ZFHX3: variants seen among roughly 807,000 people sequenced by gnomAD.
The protein encoded by ZFHX3 is zinc finger homeobox 3.
ZFHX3 carries 42 observed loss-of-function variants against 279.1 expected under a neutral mutation model. That is an observed-to-expected ratio of 0.15 (90% CI 0.12 to 0.19). The LOEUF (loss-of-function observed/expected upper bound fraction) is 0.19, where lower values mean the gene tolerates loss of function less well. ZFHX3 is among the 10% of genes least tolerant of loss of function. The probability of loss-of-function intolerance (pLI) is 1.00; values close to 1 mark genes in which losing one functional copy is unlikely to be tolerated. For missense variants in ZFHX3, 4,981 were observed against 4,754.0 expected, an observed-to-expected ratio of 1.05 and a Z score of -1.40; for synonymous variants, 2,293 against 1,957.8, an observed-to-expected ratio of 1.17 and a Z score of -4.52.
chr16:73,661,951 C>T (rs935950130), intron 2 of ZFHX3, among the ~76,000 whole-genome samples: 8 of 149,824 alleles, frequency 5.3e-5, no homozygotes, highest in African/African-American at 1.2e-4. Flanking sequence ...GCACCTATAA[C>T]GTAGGTCATT....
Position 73,677,664 on chromosome 16 carries a change from A to T in ZFHX3, c.-1547+2516T>A, listed in dbSNP as rs542829357. 3.3e-5 allele frequency among the ~76,000 whole-genome samples: 5 copies of T among 152,132 alleles called. No individual in the cohort carries two copies. The South Asian group carries it at 1.0e-3, about 31-fold the overall frequency. ...GCATCTATAAAAATAAATTTAAATGAACTGATATTTCAACAGGAAAATATA... is the reference window on the plus strand; with the variant it reads ...GCATCTATAAAAATAAATTTAAATGTACTGATATTTCAACAGGAAAATATA... On this transcript the variant is annotated intron_variant, in intron 2 of 17. Coordinates refer to the ZFHX3 transcript ENST00000641206.
chr16:73,502,070 G>C (rs1171450141), intron 2 of ZFHX3, among the ~76,000 whole-genome samples: 1 of 151,976 alleles, frequency 6.6e-6, no homozygotes, highest in Non-Finnish European at 1.5e-5. Context: ...CCACTGGAAA[G>C]TGGTTAAAGG....
intron 2 of ZFHX3, among the ~76,000 whole-genome samples, chr16:73,539,736 C>T (rs575913141): frequency 7.3e-5 from 11 of 150,416 alleles, no homozygotes; most frequent in African/African-American, 2.2e-4. Context: ...AGGTCCGGGC[C>T]ATCGGTGTGT....
chr16:73,745,475 A>G (rs947404126), intron 1 of ZFHX3, among the ~76,000 whole-genome samples: 2 of 152,224 alleles, frequency 1.3e-5, no homozygotes, highest in East Asian at 3.8e-4. Context: ...ACTAAAGTAT[A>G]TATGCACAGA....
chr16:73,182,289 T>A (rs1454599727), intron 5 of ZFHX3, among the ~76,000 whole-genome samples: 1 of 152,176 alleles, frequency 6.6e-6, no homozygotes, highest in Non-Finnish European at 1.5e-5. Context: ...AAACCCCATC[T>A]CTACTAAAAA....
At chr16:73,105,160 C>T (rs149496674) in intron 7 of ZFHX3, among the ~76,000 whole-genome samples, 2,938 of 151,844 alleles carry the variant, frequency 0.019, 85 homozygotes, top group African/African-American at 0.057. Context: ...AATCCCAGCA[C>T]TTTGGGAGGC....
intron 3 of ZFHX3, among the ~76,000 whole-genome samples, chr16:73,359,815 G>C (rs1342029124): frequency 6.6e-6 from 1 of 152,210 alleles, no homozygotes; most frequent in African/African-American, 2.4e-5. Context: ...GCCCTGAGTT[G>C]TGGGAGAAGC....
chr16:73,829,249 G>A, intron 1 of ZFHX3, among the ~76,000 whole-genome samples: 1 of 103,116 alleles, frequency 9.7e-6, no homozygotes, highest in African/African-American at 7.2e-5. Flanking sequence ...TTGGTTTTCA[G>A]CTCCATCAGC....
At chr16:73,542,140 G>T (rs923295424) in intron 2 of ZFHX3, among the ~76,000 whole-genome samples, 2 of 152,038 alleles carry the variant, frequency 1.3e-5, no homozygotes, top group Non-Finnish European at 2.9e-5. Flanking sequence ...TGACAACACA[G>T]CTCCCTTAGT....
At chr16:73,508,566 T>G (rs986672347) in intron 2 of ZFHX3, among the ~76,000 whole-genome samples, 1 of 152,204 alleles carries the variant, frequency 6.6e-6, no homozygotes, top group African/African-American at 2.4e-5. Context: ...ATCTTTTGTG[T>G]GATCACATGG....
At chr16:73,751,067 A>C (rs2053757939) in intron 1 of ZFHX3, among the ~76,000 whole-genome samples, 1 of 152,180 alleles carries the variant, frequency 6.6e-6, no homozygotes, top group African/African-American at 2.4e-5. Context: ...ATTTAATTGA[A>C]GTGTGGTGAC....
At chr16:73,244,363 T>C (rs1184889876) in intron 5 of ZFHX3, among the ~76,000 whole-genome samples, 1 of 152,058 alleles carries the variant, frequency 6.6e-6, no homozygotes, top group Non-Finnish European at 1.5e-5. Flanking sequence ...CTCTCCTCCA[T>C]CCTCCAAGCC....
At chr16:73,320,816 T>G (rs1597282870) in intron 3 of ZFHX3, among the ~76,000 whole-genome samples, 1 of 152,164 alleles carries the variant, frequency 6.6e-6, no homozygotes, top group African/African-American at 2.4e-5. Context: ...TGTGCTTTAT[T>G]TGAAAATCTC....
rs1323738799 is a variant in ZFHX3 at position 73,493,529 on chromosome 16, T to TGAGATTGGGTCAGAAATTGACTC, written c.-1546-37272_-1546-37271insGAGTCAATTTCTGACCCAATCTC. Among the ~76,000 whole-genome samples the TGAGATTGGGTCAGAAATTGACTC allele has an allele frequency of 2.0e-5, 3 of 152,236 alleles. No homozygotes were observed. In the East Asian group the frequency reaches 5.8e-4, roughly 29 times the overall value. On this transcript the variant is annotated intron_variant, in intron 2 of 17. Transcript: ENST00000641206. ...GAGATGAAGTAAACTCAGTAATAGC[T>TGAGATTGGGTCAGAAATTGACTC]AGATTGGGTCAGAAATGAACAGCTG...
At chr16:73,205,070 G>T (rs766271808) in intron 5 of ZFHX3, among the ~76,000 whole-genome samples, 1 of 152,140 alleles carries the variant, frequency 6.6e-6, no homozygotes, top group South Asian at 2.1e-4. Flanking sequence ...GTGGAATAAC[G>T]AGTGTGGGCT....
Position 72,959,293 on chromosome 16 carries a change from A to G in ZFHX3, c.853T>C (p.Phe285Leu). 1.2e-6 allele frequency: 2 copies of G among 1,614,248 alleles called. No homozygotes were observed. The highest frequency in any genetic ancestry group is 2.2e-5 in the South Asian group (2 of 91,084). Residue 285 changes from phenylalanine to leucine, a missense_variant, in exon 2 of 10, where the codon TTC becomes CTC. Around this residue, in one of 7 missense-constraint regions of ZFHX3, gnomAD observed 1,068 missense variants for 935.2 expected, o/e 1.14. Transcript: ENST00000268489. The part of the protein sequence containing the change: ...YGKRKPILMC[F>L]LCKLSFGYVR... ...TACCCAAAGGAGAGTTTGCACAAGA[A>G]ACACATCAGGATGGGCTTCCTCTTG...
chr16:73,730,026 A>C (rs535273788), intron 1 of ZFHX3, among the ~76,000 whole-genome samples: 1 of 152,200 alleles, frequency 6.6e-6, no homozygotes, highest in South Asian at 2.1e-4. Flanking sequence ...CTTTCAAGAC[A>C]ATCAGACAAA....
At chr16:73,323,018 G>A (rs1484036578) in intron 3 of ZFHX3, among the ~76,000 whole-genome samples, 1 of 152,184 alleles carries the variant, frequency 6.6e-6, no homozygotes, top group African/African-American at 2.4e-5. Context: ...TGGGGATGAA[G>A]AGCTGCAGCG....
chr16:73,786,476 G>C (rs542578403), intron 1 of ZFHX3, among the ~76,000 whole-genome samples: 1 of 152,154 alleles, frequency 6.6e-6, no homozygotes, highest in Admixed American at 6.5e-5. Flanking sequence ...TTGTTTCTTC[G>C]GGATCTCAGC....
Sources: gnomAD v4.1 joint callset for allele counts (sites outside exome capture counted in the v4.1 genomes callset) on GRCh38, gnomAD v4.1.1 for gene constraint, gnomAD v4.1.1 regional missense constraint, MANE v1.5 for transcripts, NCBI Gene and HGNC (gene_info 2026-07-23, HGNC 2026-07-21) for gene names.